GALNT13: variants seen among roughly 807,000 people sequenced by gnomAD.
GALNT13 encodes the protein UDP-GalNAc:polypeptide N-acetylgalactosaminyltransferase 13.
A neutral mutation model predicts 64.2 loss-of-function variants in GALNT13; 28 were observed. The observed-to-expected ratio is 0.44, with a 90% CI of 0.32 to 0.60. GALNT13 has a LOEUF of 0.60. Among genes scored for constraint, GALNT13 ranks in the 20% least tolerant of loss-of-function variants. The pLI is 0.05. For synonymous variants in GALNT13, 214 were observed against 224.6 expected, an observed-to-expected ratio of 0.95 and a Z score of 0.42; for missense variants, 577 against 669.8, an observed-to-expected ratio of 0.86 and a Z score of 1.53.
the GALNT13 span, among the ~76,000 whole-genome samples, chr2:153,555,755 C>T: frequency 6.6e-6 from 1 of 152,178 alleles, no homozygotes; most frequent in East Asian, 1.9e-4. Context: ...TGCTGTGTTA[C>T]ACTGCTTCTG....
the GALNT13 span, among the ~76,000 whole-genome samples, chr2:153,158,651 G>A: frequency 6.6e-6 from 1 of 152,080 alleles, no homozygotes; most frequent in South Asian, 2.1e-4. Flanking sequence ...ACCCATGAAA[G>A]GTATTCTAAG....
the GALNT13 span, among the ~76,000 whole-genome samples, chr2:153,129,974 G>A: frequency 3.9e-5 from 6 of 152,110 alleles, no homozygotes; most frequent in Admixed American, 6.5e-5. Context: ...ATCAAAAGGC[G>A]GCTGTGAGGA....
the GALNT13 span, among the ~76,000 whole-genome samples, chr2:153,631,781 TC>T: frequency 6.6e-6 from 1 of 152,232 alleles, no homozygotes; most frequent in Non-Finnish European, 1.5e-5. Context: ...GATGGTAGTT[TC>T]TTTTGCTGTG....
chr2:153,504,580 G>A, the GALNT13 span, among the ~76,000 whole-genome samples: 1 of 152,128 alleles, frequency 6.6e-6, no homozygotes, highest in Non-Finnish European at 1.5e-5. Context: ...TTTGCTGAGG[G>A]TTTTAATCAT....
chr2:153,959,448 A>G (rs1486642095), intron 3 of GALNT13, among the ~76,000 whole-genome samples: 2 of 152,218 alleles, frequency 1.3e-5, no homozygotes. Flanking sequence ...TGCACATCAA[A>G]CACATTTTAA....
chr2:153,906,193 GT>G (rs1300050683), intron 2 of GALNT13, among the ~76,000 whole-genome samples: 1 of 147,484 alleles, frequency 6.8e-6, no homozygotes, highest in South Asian at 2.2e-4. Context: ...ATGTCTGGTT[GT>G]TTTTTTTTAA....
chr2:153,765,102 A>G, the GALNT13 span, among the ~76,000 whole-genome samples: 3 of 152,208 alleles, frequency 2.0e-5, no homozygotes, highest in Admixed American at 1.3e-4. Context: ...CAGAAGGGAA[A>G]GTGGGATGGG....
At chr2:153,844,082 A>G in the GALNT13 span, among the ~76,000 whole-genome samples, 2 of 152,028 alleles carry the variant, frequency 1.3e-5, no homozygotes, top group Non-Finnish European at 2.9e-5. Flanking sequence ...TCCCCTTCAT[A>G]CAGCTCCACT....
chr2:153,942,164 G>C (rs1016638855), intron 2 of GALNT13, among the ~76,000 whole-genome samples: 7 of 151,842 alleles, frequency 4.6e-5, no homozygotes, highest in African/African-American at 1.7e-4. Flanking sequence ...TCTTTATCTT[G>C]ATTAAGCCTC....
chr2:154,042,649 A>G (rs1699042290), intron 3 of GALNT13, among the ~76,000 whole-genome samples: 1 of 147,890 alleles, frequency 6.8e-6, no homozygotes, highest in African/African-American at 2.5e-5. Flanking sequence ...GGCTGCAGAT[A>G]CTATGTTATT....
chr2:154,092,685 G>T lies in GALNT13; in HGVS notation c.143-47652G>T, dbSNP rs76464612. On this transcript the variant is annotated intron_variant, in intron 3 of 12. Coordinates refer to ENST00000392825, the MANE Select transcript of GALNT13 (RefSeq NM_052917.4). ...CTAGTTAACAGTATCAAGCCTAAGAGAAATTTACATTTACAGAGAAACATC... is the reference window on the plus strand; with the variant it reads ...CTAGTTAACAGTATCAAGCCTAAGATAAATTTACATTTACAGAGAAACATC... 2.4e-4 allele frequency among the ~76,000 whole-genome samples: 37 copies of T among 152,146 alleles called. 2 individuals are homozygous for T. The East Asian group carries it at 6.8e-3, about 28-fold the overall frequency.
At chr2:153,256,404 T>C in the GALNT13 span, among the ~76,000 whole-genome samples, 1 of 152,150 alleles carries the variant, frequency 6.6e-6, no homozygotes, top group South Asian at 2.1e-4. Flanking sequence ...TCTTTGCCTT[T>C]GGTTTGAATG....
chr2:153,259,686 T>G, the GALNT13 span, among the ~76,000 whole-genome samples: 1 of 152,196 alleles, frequency 6.6e-6, no homozygotes, highest in South Asian at 2.1e-4. Flanking sequence ...GACTTGCCTT[T>G]GTTCTTCCTT....
intron 8 of GALNT13, chr2:154,286,920 C>G (rs1053504115): frequency 2.0e-6 from 1 of 495,046 alleles, no homozygotes; most frequent in African/African-American, 1.9e-5. Flanking sequence ...TCACCAGCAT[C>G]GGAGAGGACT....
the GALNT13 span, among the ~76,000 whole-genome samples, chr2:153,481,103 A>G: frequency 1.2e-4 from 18 of 152,148 alleles, no homozygotes; most frequent in African/African-American, 4.3e-4. Context: ...TTGACAAGGT[A>G]ATAGGTATTT....
chr2:153,365,722 A>G, the GALNT13 span, among the ~76,000 whole-genome samples: 1 of 152,190 alleles, frequency 6.6e-6, no homozygotes, highest in East Asian at 1.9e-4. Flanking sequence ...CAGAATGGCA[A>G]TTATTAAAAA....
At chr2:153,115,684 C>G in the GALNT13 span, among the ~76,000 whole-genome samples, 1 of 152,092 alleles carries the variant, frequency 6.6e-6, no homozygotes, top group Non-Finnish European at 1.5e-5. Flanking sequence ...TTGGTCCTGG[C>G]ACACAGTAGG....
At chr2:153,670,057 G>A in the GALNT13 span, among the ~76,000 whole-genome samples, 8 of 152,192 alleles carry the variant, frequency 5.3e-5, no homozygotes, top group African/African-American at 1.9e-4. Context: ...ACTGGGCAGA[G>A]CCCACTGCAG....
intron 9 of GALNT13, among the ~76,000 whole-genome samples, chr2:154,347,017 A>G (rs1696104561): frequency 1.1e-5 from 1 of 87,572 alleles, no homozygotes; most frequent in Non-Finnish European, 2.3e-5. Flanking sequence ...TATTTTAAGT[A>G]GCAATTCCAG....
Sources: gnomAD v4.1 joint callset for allele counts (sites outside exome capture counted in the v4.1 genomes callset) on GRCh38, gnomAD v4.1.1 for gene constraint, MANE v1.5 for transcripts, NCBI Gene and HGNC (gene_info 2026-07-23, HGNC 2026-07-21) for gene names.